Variants in RBMS1 observed in about 807,000 individuals in gnomAD.
RBMS1 encodes the protein RNA-binding motif, single-stranded-interacting protein 1.
RBMS1 carries 17 observed loss-of-function variants against 62.3 expected under a neutral mutation model. That is an observed-to-expected ratio of 0.27 (90% CI 0.19 to 0.41). The LOEUF (loss-of-function observed/expected upper bound fraction) is 0.41, where lower values mean the gene tolerates loss of function less well. Among genes scored for constraint, RBMS1 ranks in the 10% least tolerant of loss-of-function variants. The pLI is 1.00. For missense variants in RBMS1, 334 were observed against 504.5 expected, an observed-to-expected ratio of 0.66 and a Z score of 3.24; for synonymous variants, 172 against 170.0, an observed-to-expected ratio of 1.01 and a Z score of -0.09.
At chr2:160,395,603 G>A (rs1028755802) in intron 1 of RBMS1, among the ~76,000 whole-genome samples, 37 of 125,298 alleles carry the variant, frequency 3.0e-4, no homozygotes, top group African/African-American at 1.2e-3. Flanking sequence ...CAGCCTGGGT[G>A]ACACAGCGAG....
chr2:160,465,311 T>C (rs920659859), intron 1 of RBMS1, among the ~76,000 whole-genome samples: 7 of 152,194 alleles, frequency 4.6e-5, no homozygotes, highest in African/African-American at 1.4e-4. Flanking sequence ...TAGCCACCAA[T>C]AGTCTTTGCA....
chr2:160,411,201 TG>T (rs1696017817), intron 1 of RBMS1, among the ~76,000 whole-genome samples: 1 of 151,990 alleles, frequency 6.6e-6, no homozygotes, highest in African/African-American at 2.4e-5. Flanking sequence ...ACTGAAAAAA[TG>T]AGCAGGACCA....
At chr2:160,380,629 G>C (rs578085870) in intron 1 of RBMS1, among the ~76,000 whole-genome samples, 32 of 152,324 alleles carry the variant, frequency 2.1e-4, no homozygotes, top group African/African-American at 7.5e-4. Context: ...TTAAATCTTA[G>C]AGCAGAGCAA....
intron 1 of RBMS1, among the ~76,000 whole-genome samples, chr2:160,438,921 G>A (rs1296884449): frequency 7.5e-5 from 11 of 146,630 alleles, no homozygotes; most frequent in South Asian, 2.2e-4. Flanking sequence ...TGGACGGGGC[G>A]GCTGGCCGGG....
intron 1 of RBMS1, among the ~76,000 whole-genome samples, chr2:160,413,202 C>A (rs1027047724): frequency 2.0e-5 from 3 of 152,144 alleles, no homozygotes; most frequent in Admixed American, 6.5e-5. Flanking sequence ...AACACTATAT[C>A]AGACTGCAAC....
chr2:160,326,545 T>C lies in RBMS1; in HGVS notation c.252-8318A>G, dbSNP rs917025634. ...AGTCTCCAAAAGTCTTGGAGGACTC[T>C]GCATTCTAAGAAAAGGACAGAGAGA... On this transcript the variant is annotated intron_variant, in intron 2 of 13. Coordinates refer to ENST00000348849, the MANE Select transcript of RBMS1 (RefSeq NM_016836.4). Among the ~76,000 whole-genome samples the C allele has an allele frequency of 4.6e-5, 7 of 152,158 alleles. No homozygotes were observed. In the South Asian group the frequency reaches 1.0e-3, roughly 23 times the overall value.
At chr2:160,457,462 C>A (rs576975350) in intron 1 of RBMS1, among the ~76,000 whole-genome samples, 1 of 152,196 alleles carries the variant, frequency 6.6e-6, no homozygotes, top group Non-Finnish European at 1.5e-5. Flanking sequence ...GAGGCTCTCA[C>A]AGCTGGTAAG....
rs191032721 is a variant in RBMS1, at chr2:160,280,659, G to A, written c.951+655C>T. On this transcript the variant is annotated intron_variant, in intron 10 of 13. Transcript: ENST00000348849. Reference sequence around the variant, plus strand: ...CCAAATTTGTGATTTTCTCATGTGAGCATGCAGGGTCATTGTGTTGGACAT... The same window carrying A: ...CCAAATTTGTGATTTTCTCATGTGAACATGCAGGGTCATTGTGTTGGACAT... Among the ~76,000 whole-genome samples the A allele has an allele frequency of 1.5e-3, 227 of 152,214 alleles. 1 individual carries two copies. The highest frequency in any genetic ancestry group is 5.3e-3 in the African/African-American group (219 of 41,528).
intron 6 of RBMS1, among the ~76,000 whole-genome samples, chr2:160,288,543 T>C (rs1052947663): frequency 6.6e-6 from 1 of 152,112 alleles, no homozygotes; most frequent in African/African-American, 2.4e-5. Context: ...GAGGGATGGG[T>C]TGGAATGCCA....
At chr2:160,412,244 C>T (rs1015163638) in intron 1 of RBMS1, among the ~76,000 whole-genome samples, 1 of 152,160 alleles carries the variant, frequency 6.6e-6, no homozygotes, top group Non-Finnish European at 1.5e-5. Context: ...GCTCATATAC[C>T]TGAAATTAGA....
chr2:160,385,319 C>T (rs1032354406), intron 1 of RBMS1, among the ~76,000 whole-genome samples: 3 of 152,164 alleles, frequency 2.0e-5, no homozygotes, highest in Admixed American at 6.5e-5. Context: ...CTCGATCCCC[C>T]TCGTCCTACT....
In RBMS1 at chr2:160,438,060, T is replaced by C. The variant is rs190459020; in HGVS notation, c.75+55229A>G. ...CTTAGGGTCCTCCTGTTCCTACCAT[T>C]GCTGGAAGGGAAGAAGTCACTTTGA... On this transcript the variant is annotated intron_variant, in intron 1 of 13. Transcript: ENST00000348849. 1.6e-4 allele frequency among the ~76,000 whole-genome samples: 24 copies of C among 152,300 alleles called. No individual in the cohort carries two copies. In the East Asian group the frequency reaches 4.4e-3, roughly 28 times the overall value.
intron 2 of RBMS1, among the ~76,000 whole-genome samples, chr2:160,336,951 T>G (rs549720723): frequency 6.6e-6 from 1 of 152,264 alleles, no homozygotes; most frequent in South Asian, 2.1e-4. Flanking sequence ...TTATGGTAGT[T>G]GCTTTAAAGT....
chr2:160,462,930 C>T (rs1394351593), intron 1 of RBMS1, among the ~76,000 whole-genome samples: 1 of 152,066 alleles, frequency 6.6e-6, no homozygotes, highest in African/African-American at 2.4e-5. Context: ...ATAGACATTT[C>T]AGTTAAAGAA....
chr2:160,323,626 A>T (rs936051816), intron 2 of RBMS1, among the ~76,000 whole-genome samples: 6 of 151,574 alleles, frequency 4.0e-5, no homozygotes, highest in African/African-American at 1.5e-4. Flanking sequence ...AAAAAAAAAA[A>T]AAAAACTGTG....
At chr2:160,340,154 C>T (rs1342228853) in intron 2 of RBMS1, among the ~76,000 whole-genome samples, 1 of 152,088 alleles carries the variant, frequency 6.6e-6, no homozygotes, top group Non-Finnish European at 1.5e-5. Context: ...ACCTATGTTA[C>T]TTTTGACAGA....
rs151231353 is a variant in RBMS1, at chr2:160,331,214, A to G, written c.252-12987T>C. Among the ~76,000 whole-genome samples the G allele has an allele frequency of 3.5e-3, 528 of 152,296 alleles. 5 individuals carry two copies. The highest frequency in any genetic ancestry group is 0.012 in the African/African-American group (507 of 41,572). On this transcript the variant is annotated intron_variant, in intron 2 of 13. Coordinates refer to ENST00000348849, the MANE Select transcript of RBMS1 (RefSeq NM_016836.4). The stretch of plus-strand genomic sequence containing the variant: ...GGTACTGTGTTACAGCAGTCTTAAC[A>G]AATGAATAAAACTCCAGCCAGCTTG...
At chr2:160,348,118 C>T (rs1017785438) in intron 2 of RBMS1, among the ~76,000 whole-genome samples, 2 of 151,996 alleles carry the variant, frequency 1.3e-5, no homozygotes, top group African/African-American at 4.8e-5. Flanking sequence ...ATGTATTGCA[C>T]CTAAAACATA....
chr2:160,443,211 C>CAAA (rs67505228), intron 1 of RBMS1, among the ~76,000 whole-genome samples: 4 of 133,284 alleles, frequency 3.0e-5, no homozygotes, highest in African/African-American at 1.2e-4. Flanking sequence ...CTTAAGAAAA[C>CAAA]AAAAAAAAAA....
Sources: allele counts gnomAD v4.1 joint callset (sites outside exome capture counted in the v4.1 genomes callset), GRCh38; gene constraint gnomAD v4.1.1; transcripts MANE v1.5; gene names NCBI Gene and HGNC (gene_info 2026-07-23, HGNC 2026-07-21).